Variants in GLG1 observed in about 807,000 individuals in gnomAD.
The protein encoded by GLG1 is Golgi apparatus protein 1.
Under a neutral mutation model 160.5 loss-of-function variants are expected in GLG1, and 38 were observed. The observed-to-expected ratio is 0.24, with a 90% CI of 0.18 to 0.31. The LOEUF is 0.31. Among genes scored for constraint, GLG1 ranks in the 10% least tolerant of loss-of-function variants. The pLI is 1.00. For missense variants in GLG1, 1,373 were observed against 1,505.2 expected, an observed-to-expected ratio of 0.91 and a Z score of 1.45; for synonymous variants, 644 against 543.4, an observed-to-expected ratio of 1.19 and a Z score of -2.57.
At chr16:74,594,198 C>T (rs1031185658) in intron 1 of GLG1, among the ~76,000 whole-genome samples, 4 of 152,152 alleles carry the variant, frequency 2.6e-5, no homozygotes, top group Non-Finnish European at 4.4e-5. Flanking sequence ...TGAGCCACTG[C>T]GCCCAGCCTA....
chr16:74,463,592 T>G (rs559951838), intron 19 of GLG1, 113 bp from the exon 20 acceptor site: 9 of 1,035,408 alleles, frequency 8.7e-6, no homozygotes, highest in Admixed American at 2.0e-5. Context: ...CAGGCTGGAG[T>G]GCAGTGGCGC....
chr16:74,507,493 T>A (rs1302378080), intron 3 of GLG1, among the ~76,000 whole-genome samples: 1 of 152,086 alleles, frequency 6.6e-6, no homozygotes, highest in Non-Finnish European at 1.5e-5. Context: ...TCCCAGCACT[T>A]TGGGAGGTTG....
intron 4 of GLG1, among the ~76,000 whole-genome samples, chr16:74,497,725 C>A (rs1567482564): frequency 6.6e-6 from 1 of 152,230 alleles, no homozygotes; most frequent in Non-Finnish European, 1.5e-5. Flanking sequence ...GCGTGAGCCA[C>A]TGCGCCCGGC....
chr16:74,508,687 C>A, intron 3 of GLG1, 152 bp downstream of exon 3: 1 of 564,850 alleles, frequency 1.8e-6, no homozygotes, highest in Non-Finnish European at 3.2e-6. Context: ...CAAAAAGAGT[C>A]TAATTACACC....
intron 1 of GLG1, among the ~76,000 whole-genome samples, chr16:74,549,314 T>A: frequency 6.6e-6 from 1 of 152,060 alleles, no homozygotes; most frequent in Middle Eastern, 3.2e-3. Flanking sequence ...TTTTTTTTGA[T>A]ATGGAGTCTT....
intron 7 of GLG1, 56 bp downstream of exon 7, chr16:74,492,901 A>C (rs1415963483): frequency 7.5e-6 from 8 of 1,060,074 alleles, no homozygotes; most frequent in Admixed American, 5.3e-5. Flanking sequence ...AAAGCTTTAG[A>C]GTGTGAATCC....
chr16:74,473,640 C>T (rs896897050), intron 13 of GLG1, among the ~76,000 whole-genome samples: 2 of 151,854 alleles, frequency 1.3e-5, no homozygotes, highest in African/African-American at 4.8e-5. Flanking sequence ...CGGGGTTTCA[C>T]CGTGTTAGCC....
At chr16:74,558,834 A>C (rs2018424500) in intron 1 of GLG1, among the ~76,000 whole-genome samples, 1 of 152,202 alleles carries the variant, frequency 6.6e-6, no homozygotes, top group South Asian at 2.1e-4. Context: ...CAATAAAATA[A>C]AATTTAACCT....
chr16:74,496,933 C>T (rs1342515583), intron 4 of GLG1, among the ~76,000 whole-genome samples: 1 of 152,018 alleles, frequency 6.6e-6, no homozygotes, highest in Non-Finnish European at 1.5e-5. Flanking sequence ...TTAGTTAGCA[C>T]TAGAAATAAG....
intron 1 of GLG1, among the ~76,000 whole-genome samples, chr16:74,545,261 GC>G (rs1173107527): frequency 2.0e-4 from 31 of 152,030 alleles, no homozygotes; most frequent in Non-Finnish European, 3.8e-4. Context: ...GTTCACTGAA[GC>G]CTCAACCTCC....
At chr16:74,528,773 T>C (rs986149775) in intron 2 of GLG1, among the ~76,000 whole-genome samples, 2 of 125,898 alleles carry the variant, frequency 1.6e-5, no homozygotes, top group African/African-American at 6.1e-5. Flanking sequence ...GATCACACCA[T>C]TGCACTGCAG....
Position 74,503,516 on chromosome 16 carries a change from C to G in GLG1, c.774+15G>C, listed in dbSNP as rs372584743. The G allele has an allele frequency of 1.3e-6, 2 of 1,529,352 alleles. No homozygotes were observed. Among genetic ancestry groups the G allele is most frequent in the Non-Finnish European group, 1.8e-6 (2 of 1,102,806 alleles). 94.7% of individuals were successfully genotyped at this position (1,529,352 alleles called of 1,614,324 possible). A position where few individuals can be genotyped will look rare whatever the true frequency, so the allele number is the denominator to read the frequency against. On this transcript the variant is annotated intron_variant, in intron 4 of 25. Transcript: ENST00000422840. Reference sequence around the variant, plus strand: ...TTTAAGACCCCTTTGTTGAAGCTAACGTAGTATTAGATACCTTTTCTCCAA... The same window carrying G: ...TTTAAGACCCCTTTGTTGAAGCTAAGGTAGTATTAGATACCTTTTCTCCAA...
In GLG1 at chr16:74,574,738, G is replaced by C. The variant is rs1425060027; in HGVS notation, c.438+31919C>G. 2.0e-5 allele frequency among the ~76,000 whole-genome samples: 3 copies of C among 151,258 alleles called. No individual in the cohort carries two copies. In the East Asian group the frequency reaches 5.8e-4, roughly 29 times the overall value. On this transcript the variant is annotated intron_variant, in intron 1 of 25. Coordinates refer to ENST00000422840, the MANE Select transcript of GLG1 (RefSeq NM_001145667.2). ...TTTCTACTAAAAACACAAAAAATTAGCTGAGCATGGTGGTGCACACCTGTA... is the reference window on the plus strand; with the variant it reads ...TTTCTACTAAAAACACAAAAAATTACCTGAGCATGGTGGTGCACACCTGTA...
chr16:74,490,323 C>T (rs1419327522), intron 8 of GLG1, among the ~76,000 whole-genome samples: 1 of 151,998 alleles, frequency 6.6e-6, no homozygotes, highest in African/African-American at 2.4e-5. Flanking sequence ...AGTATGCTAA[C>T]TGTGAGGTTT....
At chr16:74,465,517 G>A (rs1241729551) in intron 19 of GLG1, among the ~76,000 whole-genome samples, 159 bp downstream of exon 19, 1 of 152,160 alleles carries the variant, frequency 6.6e-6, no homozygotes, top group African/African-American at 2.4e-5. Flanking sequence ...AGATCTGGAG[G>A]GGGGCCCAGG....
At chr16:74,513,486 G>GT (rs2016878977) in intron 2 of GLG1, among the ~76,000 whole-genome samples, 1 of 152,122 alleles carries the variant, frequency 6.6e-6, no homozygotes, top group African/African-American at 2.4e-5. Flanking sequence ...GCCTCCGCTG[G>GT]TGATACCCAG....
intron 1 of GLG1, among the ~76,000 whole-genome samples, chr16:74,576,192 T>A (rs1260585879): frequency 6.6e-6 from 1 of 151,678 alleles, no homozygotes; most frequent in Non-Finnish European, 1.5e-5. Context: ...GCGAGACTCC[T>A]TCTCAAAAAA....
chr16:74,517,790 T>A (rs1393103397), intron 2 of GLG1, among the ~76,000 whole-genome samples: 1 of 152,168 alleles, frequency 6.6e-6, no homozygotes, highest in Non-Finnish European at 1.5e-5. Flanking sequence ...TGACTGTATA[T>A]TTAGAAAAGC....
chr16:74,559,506 T>C (rs781047854), intron 1 of GLG1, among the ~76,000 whole-genome samples: 1 of 151,992 alleles, frequency 6.6e-6, no homozygotes, highest in African/African-American at 2.4e-5. Flanking sequence ...ACAACACAAA[T>C]ACAGTCAAAT....
Sources: allele counts gnomAD v4.1 joint callset (sites outside exome capture counted in the v4.1 genomes callset), GRCh38; gene constraint gnomAD v4.1.1; transcripts MANE v1.5; gene names NCBI Gene and HGNC (gene_info 2026-07-23, HGNC 2026-07-21).